The following PTK2B variants were observed in gnomAD, a reference collection of about 807,000 sequenced individuals.
PTK2B encodes protein-tyrosine kinase 2-beta.
A neutral mutation model predicts 142.9 loss-of-function variants in PTK2B; 71 were observed. The ratio of observed to expected loss-of-function variants is 0.50; its 90% confidence interval spans 0.41 to 0.61. The LOEUF (loss-of-function observed/expected upper bound fraction) is 0.61, where lower values mean the gene tolerates loss of function less well. Ranked by LOEUF, PTK2B falls within the 20% of genes least tolerant of loss-of-function variation. The pLI is 0.00. For synonymous variants in PTK2B, 519 were observed against 503.4 expected, an observed-to-expected ratio of 1.03 and a Z score of -0.42; for missense variants, 1,105 against 1,320.4, an observed-to-expected ratio of 0.84 and a Z score of 2.53.
At chr8:27,426,076 GCAA>G (rs34262266) in intron 5 of PTK2B, among the ~76,000 whole-genome samples, 8,293 of 152,124 alleles carry the variant, frequency 0.055, 295 homozygotes, top group Non-Finnish European at 0.09. Context: ...TAAAACAACA[GCAA>G]CAACAACTAC....
chr8:27,430,192 G>GTCCT (rs1160908817), intron 6 of PTK2B, 37 bp downstream of exon 6: 35 of 1,593,714 alleles, frequency 2.2e-5, no homozygotes, highest in Non-Finnish European at 2.7e-5. Flanking sequence ...CTCCCTTCCT[G>GTCCT]TCCTTCCATG....
intron 1 of PTK2B, among the ~76,000 whole-genome samples, chr8:27,312,028 C>T (rs561135316): frequency 6.6e-6 from 1 of 152,118 alleles, no homozygotes; most frequent in South Asian, 2.1e-4. Flanking sequence ...TGGGCAAGTG[C>T]CCATTAAAAC....
At chr8:27,392,310 C>CT (rs56770013) in intron 1 of PTK2B, among the ~76,000 whole-genome samples, 18,180 of 135,942 alleles carry the variant, frequency 0.13, 1,304 homozygotes, top group Middle Eastern at 0.22. Context: ...ACAAAGCGAG[C>CT]TTTTTTTTTT....
At chr8:27,393,305 G>A (rs1807834225) in intron 1 of PTK2B, among the ~76,000 whole-genome samples, 1 of 152,200 alleles carries the variant, frequency 6.6e-6, no homozygotes, top group Non-Finnish European at 1.5e-5. Context: ...CACAGCAGAT[G>A]TTTCTGCTGC....
rs976826464 is a variant in PTK2B at position 27,433,616 on chromosome 8, G to A, written c.1105+64G>A. 4.3e-6 allele frequency: 6 copies of A among 1,391,606 alleles called. No individual in the cohort carries two copies. The African/African-American group carries it at 5.7e-5, about 13-fold the overall frequency. 86.2% of individuals were successfully genotyped at this position (1,391,606 alleles called of 1,614,324 possible). On this transcript the variant is annotated intron_variant, in intron 11 of 30. Coordinates refer to ENST00000346049, the MANE Select transcript of PTK2B (RefSeq NM_173176.3). ...TGGCAGCACACCCGAGTCCCCAGAG[G>A]CGGAGTGGCAGAAGCTAAGCCACTG...
intron 1 of PTK2B, among the ~76,000 whole-genome samples, chr8:27,370,457 A>G (rs1806283854): frequency 6.6e-6 from 1 of 152,232 alleles, no homozygotes; most frequent in African/African-American, 2.4e-5. Context: ...AGGCCCAGGC[A>G]TATCACTCAC....
chr8:27,351,538 C>T (rs558421468), intron 1 of PTK2B, among the ~76,000 whole-genome samples: 5 of 152,212 alleles, frequency 3.3e-5, no homozygotes, highest in Admixed American at 1.3e-4. Context: ...CTCTACTGGT[C>T]CTAATGGATT....
chr8:27,421,270 G>A (rs967015108), intron 4 of PTK2B, among the ~76,000 whole-genome samples: 6 of 148,372 alleles, frequency 4.0e-5, no homozygotes, highest in African/African-American at 1.5e-4. Flanking sequence ...CTTACACGTA[G>A]CACTTACCTA....
intron 1 of PTK2B, chr8:27,312,254 T>C (rs997647505): frequency 1.3e-5 from 2 of 152,208 alleles, no homozygotes; most frequent in Admixed American, 6.5e-5. Flanking sequence ...TTCCTGCATG[T>C]CTTGAGAGAG....
intron 2 of PTK2B, among the ~76,000 whole-genome samples, chr8:27,406,795 A>G (rs1330030551): frequency 2.0e-5 from 3 of 152,218 alleles, no homozygotes; most frequent in Admixed American, 2.0e-4. Flanking sequence ...TTATGGTACC[A>G]TGAATGCTCT....
intron 3 of PTK2B, among the ~76,000 whole-genome samples, chr8:27,317,628 G>A (rs983591481): frequency 6.6e-6 from 1 of 152,118 alleles, no homozygotes; most frequent in Non-Finnish European, 1.5e-5. Flanking sequence ...AAAAAAGGAG[G>A]ATCTGGCTTC....
At chr8:27,327,197 T>G (rs867883947) in intron 1 of PTK2B, among the ~76,000 whole-genome samples, 27 of 152,172 alleles carry the variant, frequency 1.8e-4, no homozygotes, top group Middle Eastern at 3.4e-3. Context: ...GTTGGGAACC[T>G]AGAGCGTGCA....
intron 2 of PTK2B, among the ~76,000 whole-genome samples, chr8:27,400,623 T>C (rs1808321138): frequency 4.6e-5 from 7 of 151,858 alleles, no homozygotes; most frequent in Admixed American, 3.9e-4. Flanking sequence ...ATTAACTAGA[T>C]ATAGGGAGGG....
chr8:27,388,992 G>T (rs1807544265), intron 1 of PTK2B, among the ~76,000 whole-genome samples: 1 of 152,132 alleles, frequency 6.6e-6, no homozygotes, highest in African/African-American at 2.4e-5. Flanking sequence ...GCATGTCATG[G>T]GGTTTCCTGA....
upstream of PTK2B, among the ~76,000 whole-genome samples, chr8:27,324,983 C>G (rs1239940762): frequency 2.0e-5 from 3 of 152,170 alleles, no homozygotes; most frequent in Non-Finnish European, 4.4e-5. Context: ...GTCCTCAGAC[C>G]CTACTTAGTC....
At chr8:27,326,226 A>ATGTGTGTGTGTGTGTG (rs4054914) in intron 1 of PTK2B, among the ~76,000 whole-genome samples, 1 of 146,694 alleles carries the variant, frequency 6.8e-6, no homozygotes, top group African/African-American at 2.5e-5. Context: ...GCTCGTGTGT[A>ATGTGTGTGTGTGTGTG]TGTGTGTGTG....
rs560242893 is a variant in PTK2B, at chr8:27,376,118, C to A, written c.-37-21430C>A. On this transcript the variant is annotated intron_variant, in intron 1 of 30. Transcript: ENST00000346049. The stretch of plus-strand genomic sequence containing the variant: ...GGCTGTAAAGCCATGGGAGAGAGTC[C>A]AGGGGTGCTTGACCTTCAAAGCCCA... Among the ~76,000 whole-genome samples the A allele has an allele frequency of 5.9e-5, 9 of 152,254 alleles. No homozygotes were observed. The East Asian group carries it at 1.7e-3, about 29-fold the overall frequency.
chr8:27,337,866 C>T (rs1462251474), intron 1 of PTK2B, among the ~76,000 whole-genome samples: 2 of 152,146 alleles, frequency 1.3e-5, no homozygotes, highest in African/African-American at 4.8e-5. Context: ...GTTTTCATTT[C>T]TCTGAGCTAT....
chr8:27,313,590 T>C (rs1803030584), intron 3 of PTK2B, among the ~76,000 whole-genome samples: 1 of 152,184 alleles, frequency 6.6e-6, no homozygotes, highest in Admixed American at 6.5e-5. Flanking sequence ...CAGTGTGAGC[T>C]GCCCGAATGC....
Sources: gnomAD v4.1 joint callset for allele counts (sites outside exome capture counted in the v4.1 genomes callset) on GRCh38, gnomAD v4.1.1 for gene constraint, MANE v1.5 for transcripts, NCBI Gene and HGNC (gene_info 2026-07-23, HGNC 2026-07-21) for gene names.